The following CDH13 variants were observed in gnomAD, a reference collection of about 807,000 sequenced individuals.
CDH13 encodes the protein cadherin 13, also known as cadherin-13.
In CDH13, 24 loss-of-function variants were observed where a neutral mutation model predicts 63.8. The observed-to-expected ratio is 0.38, with a 90% CI of 0.27 to 0.53. The LOEUF (loss-of-function observed/expected upper bound fraction) is 0.53, where lower values mean the gene tolerates loss of function less well. CDH13 is among the 20% of genes least tolerant of loss of function. CDH13 has a pLI of 0.85. For synonymous variants in CDH13, 503 were observed against 355.3 expected (o/e 1.42, Z -4.67); for missense variants, 1,049 against 903.1 (o/e 1.16, Z -2.07).
At chr16:82,674,625 A>T (rs186323413) in intron 1 of CDH13, among the ~76,000 whole-genome samples, 2 of 152,332 alleles carry the variant, frequency 1.3e-5, no homozygotes, top group East Asian at 3.9e-4. Context: ...TGGGGATTTC[A>T]TAGATGGTGG....
chr16:83,379,285 G>A (rs759621069), intron 6 of CDH13, among the ~76,000 whole-genome samples: 6 of 152,120 alleles, frequency 3.9e-5, no homozygotes, highest in Non-Finnish European at 7.3e-5. Context: ...TATTAGATAC[G>A]AAGCTTGAGT....
intron 10 of CDH13, among the ~76,000 whole-genome samples, chr16:83,690,174 C>T (rs1219225807): frequency 6.6e-6 from 1 of 150,894 alleles, no homozygotes; most frequent in Non-Finnish European, 1.5e-5. Flanking sequence ...AACTCCGTCT[C>T]AAAAAAAAGA....
chr16:83,181,646 G>C (rs950462758), intron 4 of CDH13, among the ~76,000 whole-genome samples: 1 of 152,302 alleles, frequency 6.6e-6, no homozygotes, highest in Middle Eastern at 3.4e-3. Flanking sequence ...GCTGAAAAGA[G>C]GGGGAGAAGA....
chr16:83,175,742 C>G (rs932542204), intron 4 of CDH13, among the ~76,000 whole-genome samples: 2 of 151,436 alleles, frequency 1.3e-5, no homozygotes, highest in Admixed American at 6.6e-5. Flanking sequence ...TTATAGATCT[C>G]TATACCTTCC....
intron 3 of CDH13, among the ~76,000 whole-genome samples, chr16:83,115,133 A>G (rs1479125902): frequency 6.6e-6 from 1 of 152,230 alleles, no homozygotes; most frequent in East Asian, 1.9e-4. Context: ...TTGAAAAGGT[A>G]GTCTCCAGCA....
intron 1 of CDH13, among the ~76,000 whole-genome samples, chr16:82,685,766 G>C (rs1915004907): frequency 6.6e-6 from 1 of 152,206 alleles, no homozygotes; most frequent in Non-Finnish European, 1.5e-5. Context: ...TGTGCCCTCA[G>C]CCCTGTGTCC....
At chr16:83,308,241 C>T (rs1035753714) in intron 5 of CDH13, among the ~76,000 whole-genome samples, 7 of 152,080 alleles carry the variant, frequency 4.6e-5, no homozygotes, top group East Asian at 3.8e-4. Flanking sequence ...TTCATCTTTC[C>T]AAACATATAT....
intron 6 of CDH13, among the ~76,000 whole-genome samples, chr16:83,416,757 A>T (rs889254101): frequency 6.6e-6 from 1 of 152,196 alleles, no homozygotes; most frequent in East Asian, 1.9e-4. Flanking sequence ...GCTGGGGTCA[A>T]ATCTCTGAGA....
rs1567731520 is a variant in CDH13, at chr16:83,000,226, T to TA, written c.158-31784_158-31783insA. ...GGAATATCCACAGGTTTAGCTTATT[T>TA]TTTTTTTTTTTTTTTTTTTTTTTTT... On this transcript the variant is annotated intron_variant, in intron 2 of 13. Coordinates refer to ENST00000567109, the MANE Select transcript of CDH13 (RefSeq NM_001257.5). Among the ~76,000 whole-genome samples, 20 of 57,062 alleles carry TA rather than the reference T, an allele frequency of 3.5e-4. No individual in the cohort carries two copies. In the South Asian group the frequency reaches 8.1e-3, roughly 23 times the overall value. 37.4% of individuals were successfully genotyped at this position (57,062 alleles called of 152,430 possible).
intron 8 of CDH13, among the ~76,000 whole-genome samples, chr16:83,654,447 G>C (rs1458969859): frequency 6.6e-6 from 1 of 151,962 alleles, no homozygotes; most frequent in Non-Finnish European, 1.5e-5. Context: ...CAGAGGTCCT[G>C]TATAGGACAA....
chr16:83,310,106 T>G (rs767126496), intron 5 of CDH13, among the ~76,000 whole-genome samples: 2 of 152,232 alleles, frequency 1.3e-5, no homozygotes, highest in Non-Finnish European at 2.9e-5. Flanking sequence ...TTTCCACATT[T>G]ACTGTGCATT....
chr16:83,759,137 C>G (rs72801019), intron 11 of CDH13, among the ~76,000 whole-genome samples: 4,941 of 152,228 alleles, frequency 0.032, 119 homozygotes, highest in East Asian at 0.087. Flanking sequence ...GTACATATAT[C>G]CAGACGTATT....
chr16:83,370,569 T>G lies in CDH13; in HGVS notation c.781+25563T>G, dbSNP rs143472718. ...TGTACAGATTATTTCATCACCCAGGTAATAAGCATGGTACCCTATAGGTAG... is the reference window on the plus strand; with the variant it reads ...TGTACAGATTATTTCATCACCCAGGGAATAAGCATGGTACCCTATAGGTAG... On this transcript the variant is annotated intron_variant, in intron 6 of 13. Coordinates refer to ENST00000567109, the MANE Select transcript of CDH13 (RefSeq NM_001257.5). Among the ~76,000 whole-genome samples, 1,018 of 152,240 alleles carry G rather than the reference T, an allele frequency of 6.7e-3. 10 individuals are homozygous for G. The highest frequency in any genetic ancestry group is 0.023 in the African/African-American group (945 of 41,532).
At chr16:83,073,765 C>T (rs1174781938) in intron 3 of CDH13, among the ~76,000 whole-genome samples, 2 of 151,840 alleles carry the variant, frequency 1.3e-5, no homozygotes, top group Non-Finnish European at 1.5e-5. Context: ...GATATATGTG[C>T]TATACTATAG....
At chr16:82,719,983 A>G (rs2032659996) in intron 1 of CDH13, among the ~76,000 whole-genome samples, 1 of 152,212 alleles carries the variant, frequency 6.6e-6, no homozygotes, top group African/African-American at 2.4e-5. Context: ...AATGGTATAA[A>G]CAAGAGTTAA....
intron 5 of CDH13, among the ~76,000 whole-genome samples, chr16:83,341,789 C>T (rs917819167): frequency 6.6e-5 from 10 of 152,192 alleles, no homozygotes; most frequent in Admixed American, 3.3e-4. Context: ...TACCATTCCC[C>T]ACTCCTAAAT....
At chr16:83,050,237 C>T (rs3922463) in intron 3 of CDH13, among the ~76,000 whole-genome samples, 109 of 152,242 alleles carry the variant, frequency 7.2e-4, no homozygotes, top group African/African-American at 2.5e-3. Flanking sequence ...TGGGTTTATA[C>T]CTAGGAGTGG....
At chr16:83,711,237 T>C (rs1360267412) in intron 10 of CDH13, among the ~76,000 whole-genome samples, 2 of 152,242 alleles carry the variant, frequency 1.3e-5, no homozygotes, top group African/African-American at 4.8e-5. Flanking sequence ...TTAGCAAGGA[T>C]GCCCCATAAT....
intron 1 of CDH13, among the ~76,000 whole-genome samples, chr16:82,738,130 C>G (rs1262298518): frequency 6.6e-6 from 1 of 152,216 alleles, no homozygotes; most frequent in African/African-American, 2.4e-5. Context: ...TCATGACAGT[C>G]TGTCCTCTGA....
Sources: allele counts gnomAD v4.1 joint callset (sites outside exome capture counted in the v4.1 genomes callset), GRCh38; gene constraint gnomAD v4.1.1; transcripts MANE v1.5; gene names NCBI Gene and HGNC (gene_info 2026-07-23, HGNC 2026-07-21).